Variants in RASL11B observed in about 807,000 individuals in gnomAD.
RASL11B encodes ras-like protein family member 11B.
In RASL11B, 14 loss-of-function variants were observed where a neutral mutation model predicts 22.9. The observed-to-expected ratio is 0.61, with a 90% CI of 0.40 to 0.96. The LOEUF is 0.96. Ranked by LOEUF, RASL11B falls within the 40% of genes least tolerant of loss-of-function variation. The pLI is 0.00. For synonymous variants in RASL11B, 143 were observed against 130.2 expected, an observed-to-expected ratio of 1.10 and a Z score of -0.67; for missense variants, 261 against 322.0, an observed-to-expected ratio of 0.81 and a Z score of 1.45.
intron 2 of RASL11B, chr4:52,864,244 AAAT>A (rs1718217874): frequency 2.3e-6 from 1 of 427,130 alleles, no homozygotes; most frequent in Non-Finnish European, 4.2e-6. Context: ...AAAACTAGAT[AAAT>A]AAGTTTTCAA....
chr4:52,865,652 T>C lies in RASL11B; in HGVS notation c.594T>C (p.Cys198=). The change falls in exon 4 of 4, where the codon TGT becomes TGC. Residue 198 remains cysteine (C), a synonymous_variant. Transcript: ENST00000248706. ...NDVYSAFHVL[C]KEVSHKQQPS... ...TCTACAGCGCCTTCCACGTCCTCTG[T>C]AAAGAGGTCAGTCACAAACAGCAGC... is the stretch of plus-strand genomic sequence containing the variant. 1 of 1,613,980 alleles carries C rather than the reference T, an allele frequency of 6.2e-7. No individual in the cohort carries two copies.
Position 52,865,475 on chromosome 4 carries a change from A to G in RASL11B, c.417A>G (p.Leu139=). The G allele has an allele frequency of 1.2e-6, 2 of 1,614,216 alleles. No individual in the cohort carries two copies. Among genetic ancestry groups the G allele is most frequent in the Non-Finnish European group, 1.7e-6 (2 of 1,180,044 alleles). ...AGCTCCACCAGCACGTGCAGCAGCT[A>G]CACCTGGGCACCCGGCTGCCTGTGG... ...ISQLHQHVQQ[L]HLGTRLPVVV... The change falls in exon 4 of 4, where the codon CTA becomes CTG. Residue 139 remains leucine (L), a synonymous_variant. Coordinates refer to ENST00000248706, the MANE Select transcript of RASL11B (RefSeq NM_023940.3).
At position 52,862,608 on chromosome 4, in the gene RASL11B, T is replaced by C. The variant is rs951156675; in HGVS notation, c.101T>C (p.Val34Ala). The C allele has an allele frequency of 1.1e-5, 17 of 1,595,934 alleles. No homozygotes were observed. The highest frequency in any genetic ancestry group is 1.4e-5 in the Non-Finnish European group (16 of 1,175,654). The change falls in exon 1 of 4, where the codon GTC becomes GCC. Residue 34 changes from valine (V) to alanine (A), a missense_variant. By Grantham distance (64) the Val-to-Ala change is moderately conservative. Transcript: ENST00000248706. ...GTGGGCGCCGCCGGCCGCCGCCTGG[T>C]CAAGATCGCCGTGGTGGGCGCCAGC... ...CCVGAAGRRLVKIAVVGASGV... is the reference protein window; with the variant it reads ...CCVGAAGRRLAKIAVVGASGV...
intron 1 of RASL11B, among the ~76,000 whole-genome samples, 184 bp downstream of exon 1, chr4:52,862,833 G>T (rs1718184971): frequency 6.6e-6 from 1 of 152,226 alleles, no homozygotes; most frequent in African/African-American, 2.4e-5. Context: ...TTCCACAGAC[G>T]GGGGAAACAA....
At chr4:52,864,377 T>C (rs1007014277) in intron 2 of RASL11B, 101 bp from the exon 3 acceptor site, 1 of 687,138 alleles carries the variant, frequency 1.5e-6, no homozygotes, top group African/African-American at 1.8e-5. Context: ...CTGTTTTGTG[T>C]GCATTTATGC....
chr4:52,865,487 C>T lies in RASL11B; in HGVS notation c.429C>T (p.Thr143=). 6.2e-7 allele frequency: 1 copy of T among 1,614,218 alleles called. No homozygotes were observed. Among genetic ancestry groups the T allele is most frequent in the African/African-American group, 1.3e-5 (1 of 75,056 alleles). Residue 143 remains threonine, a synonymous_variant, in exon 4 of 4, where the codon ACC becomes ACT. Coordinates refer to ENST00000248706, the MANE Select transcript of RASL11B (RefSeq NM_023940.3). ...ACGTGCAGCAGCTACACCTGGGCAC[C>T]CGGCTGCCTGTGGTGGTCGTGGCCA... The part of the protein sequence containing the change: ...HQHVQQLHLG[T]RLPVVVVANK...
intron 2 of RASL11B, 146 bp downstream of exon 2, chr4:52,863,470 C>A: frequency 1.5e-6 from 1 of 660,266 alleles, no homozygotes. Context: ...CCCCAGCCCT[C>A]CATGGCGCCC....
intron 2 of RASL11B, 90 bp from the exon 3 acceptor site, chr4:52,864,388 A>T: frequency 1.3e-6 from 1 of 790,598 alleles, no homozygotes; most frequent in East Asian, 2.5e-5. Flanking sequence ...GCATTTATGC[A>T]TTGTGCATTT....
In RASL11B at chr4:52,865,739, G is replaced by T; in HGVS notation, c.681G>T (p.Met227Ile). 3.1e-6 allele frequency: 5 copies of T among 1,614,016 alleles called. No homozygotes were observed. The highest frequency in any genetic ancestry group is 4.2e-6 in the Non-Finnish European group (5 of 1,180,014). ...TTCCCAGGCCCAAGTCACCCAACAT[G>T]CAGGACCTGAAGAGGAGGTTTAAGC... is the stretch of plus-strand genomic sequence containing the variant. Reference protein sequence around the residue: ...SLIPRPKSPNMQDLKRRFKQA... With the variant: ...SLIPRPKSPNIQDLKRRFKQA... The change falls in exon 4 of 4, where the codon ATG (methionine) becomes ATT (isoleucine). Residue 227 changes from methionine (M) to isoleucine (I), a missense_variant. Coordinates refer to ENST00000248706, the MANE Select transcript of RASL11B (RefSeq NM_023940.3).
chr4:52,866,132 C>A lies in RASL11B; in HGVS notation c.*327C>A. 1 of 324,886 alleles carries A rather than the reference C, an allele frequency of 3.1e-6. No homozygotes were observed. Among genetic ancestry groups the A allele is most frequent in the Non-Finnish European group, 5.7e-6 (1 of 175,744 alleles). The allele number at this position is 324,886 out of a possible 1,614,324, so 20.1% of individuals were successfully genotyped here. ...TGTAAATGGTGGTCCGTTGCAGTTT[C>A]ACCAAATGTATTGATGTGATTTACA... On this transcript the variant is annotated 3_prime_UTR_variant, in exon 4 of 4. Transcript: ENST00000248706.
At chr4:52,863,224 A>AGTGT in intron 1 of RASL11B, 44 bp from the exon 2 acceptor site, 1 of 1,580,770 alleles carries the variant, frequency 6.3e-7, no homozygotes, top group Non-Finnish European at 8.7e-7. Flanking sequence ...GAACAATCTA[A>AGTGT]CTTCCAAGGT....
At chr4:52,864,684 T>A in intron 3 of RASL11B, 130 bp downstream of exon 3, 1 of 720,218 alleles carries the variant, frequency 1.4e-6, no homozygotes, top group South Asian at 1.6e-5. Flanking sequence ...TTTACATGTC[T>A]GACAATTCAA....
At chr4:52,864,576 G>A (rs1470217903) in intron 3 of RASL11B, 22 bp downstream of exon 3, 1 of 1,482,130 alleles carries the variant, frequency 6.7e-7, no homozygotes, top group African/African-American at 1.4e-5. Flanking sequence ...TGAGACTCTG[G>A]GTGAAAGGGG....
chr4:52,863,134 C>T (rs948830102), intron 1 of RASL11B, 134 bp from the exon 2 acceptor site: 14 of 748,288 alleles, frequency 1.9e-5, no homozygotes, highest in Non-Finnish European at 3.1e-5. Context: ...GGTCAAGGAG[C>T]TACAGGGTAG....
Position 52,862,579 on chromosome 4 carries a change from C to G in RASL11B, c.72C>G (p.Cys24Trp). The change falls in exon 1 of 4, where the codon TGC (cysteine) becomes TGG (tryptophan). Residue 24 changes from cysteine (C) to tryptophan (W), a missense_variant. By Grantham distance (215) the Cys-to-Trp change is radical (BLOSUM62 -2). Coordinates refer to ENST00000248706, the MANE Select transcript of RASL11B (RefSeq NM_023940.3). The stretch of plus-strand genomic sequence containing the variant: ...CGGGCAACGCCGCGGCCTCCGACTG[C>G]TGTGTGGGCGCCGCCGGCCGCCGCC... ...PAPGNAAASDCCVGAAGRRLV... is the reference protein window; with the variant it reads ...PAPGNAAASDWCVGAAGRRLV... 6.2e-7 allele frequency: 1 copy of G among 1,602,850 alleles called. No homozygotes were observed. The highest frequency in any genetic ancestry group is 1.1e-5 in the South Asian group (1 of 90,588).
At chr4:52,863,499 C>T in intron 2 of RASL11B, 175 bp downstream of exon 2, 3 of 627,588 alleles carry the variant, frequency 4.8e-6, no homozygotes, top group Non-Finnish European at 8.6e-6. Context: ...TAACTACCAT[C>T]TGGCCTCATT....
In RASL11B at chr4:52,862,624, G is replaced by T. The variant is rs759394891; in HGVS notation, c.117G>T (p.Val39=). The part of the protein sequence containing the change: ...AGRRLVKIAV[V]GASGVGKTAL... ...GCCGCCTGGTCAAGATCGCCGTGGT[G>T]GGCGCCAGCGGCGTGGGCAAGACCG... The change falls in exon 1 of 4, where the codon GTG becomes GTT. Residue 39 remains valine, a synonymous_variant. Transcript: ENST00000248706. 1.9e-6 allele frequency: 3 copies of T among 1,584,578 alleles called. No homozygotes were observed. In the African/African-American group the frequency reaches 4.1e-5, roughly 22 times the overall value.
rs1256397692 is a variant in RASL11B, at chr4:52,865,898, T to C, written c.*93T>C. 6 of 942,594 alleles carry C rather than the reference T, an allele frequency of 6.4e-6. No individual in the cohort carries two copies. The highest frequency in any genetic ancestry group is 1.6e-6 in the Non-Finnish European group (1 of 628,270). 58.4% of individuals were successfully genotyped at this position (942,594 alleles called of 1,614,324 possible). A position where few individuals can be genotyped will look rare whatever the true frequency, so the allele number is the denominator to read the frequency against. On this transcript the variant is annotated 3_prime_UTR_variant, in exon 4 of 4. Coordinates refer to ENST00000248706, the MANE Select transcript of RASL11B (RefSeq NM_023940.3). The stretch of plus-strand genomic sequence containing the variant: ...AACGTTGAATATTGGCAATGATTCC[T>C]GGTTCCAGAAAGGGCTGGAGCAGAA...
rs755608673 is a variant in RASL11B, at chr4:52,865,535, C to G, written c.477C>G (p.Ile159Met). The change falls in exon 4 of 4, where the codon ATC becomes ATG. Residue 159 changes from isoleucine to methionine, a missense_variant. By Grantham distance (10) the Ile-to-Met change is conservative. Coordinates refer to ENST00000248706, the MANE Select transcript of RASL11B (RefSeq NM_023940.3). ...VVANKADLLHIKQVDPQLGLQ... is the reference protein window; with the variant it reads ...VVANKADLLHMKQVDPQLGLQ... ...CCAACAAAGCTGACCTGTTGCACAT[C>G]AAACAGGTTGACCCTCAGCTTGGAC... 1.9e-6 allele frequency: 3 copies of G among 1,614,216 alleles called. No homozygotes were observed. Among genetic ancestry groups the G allele is most frequent in the Non-Finnish European group, 2.5e-6 (3 of 1,180,034 alleles).
Sources: gnomAD v4.1 joint callset for allele counts (sites outside exome capture counted in the v4.1 genomes callset) on GRCh38, gnomAD v4.1.1 for gene constraint, MANE v1.5 for transcripts, NCBI Gene and HGNC (gene_info 2026-07-23, HGNC 2026-07-21) for gene names.